MYL10: variants seen among roughly 807,000 people sequenced by gnomAD.
MYL10 encodes the protein myosin light chain 10, also known as myosin regulatory light chain 10.
MYL10 carries 18 observed loss-of-function variants against 21.9 expected under a neutral mutation model. That is an observed-to-expected ratio of 0.82 (90% CI 0.57 to 1.22). The LOEUF is 1.22. Ranked by LOEUF, MYL10 falls within the 50% of genes most tolerant of loss-of-function variation. The pLI, the probability that MYL10 is intolerant of heterozygous loss-of-function variation, is 0.00. For synonymous variants in MYL10, 88 were observed against 82.8 expected (o/e 1.06, Z -0.34); for missense variants, 225 against 230.4 (o/e 0.98, Z 0.15).
intron 5 of MYL10, among the ~76,000 whole-genome samples, chr7:101,620,649 G>A (rs1796667098): frequency 6.6e-6 from 1 of 152,144 alleles, no homozygotes; most frequent in South Asian, 2.1e-4. Context: ...GAGTCAATGG[G>A]AAGCCAGGGT....
rs774022346 is a variant in MYL10, at chr7:101,622,196, G to A, written c.354C>T (p.Arg118=). The A allele has an allele frequency of 6.2e-7, 1 of 1,612,260 alleles. No individual in the cohort carries two copies. Among genetic ancestry groups the A allele is most frequent in the Non-Finnish European group, 8.5e-7 (1 of 1,178,756 alleles). ...DLRDTFAALG[R]INVKNEELEA... ...CCAGTTCCTCGTTCTTGACATTGAT[G>A]CGGCCTGTGGGAGGTGAGAGGTGGG... The change falls in exon 5 of 8, where the codon CGC becomes CGT. Residue 118 remains arginine, a synonymous_variant. Transcript: ENST00000223167.
intron 1 of MYL10, among the ~76,000 whole-genome samples, chr7:101,625,189 C>T (rs1796729676): frequency 6.6e-6 from 1 of 152,180 alleles, no homozygotes; most frequent in Non-Finnish European, 1.5e-5. Context: ...GTTGAGTAGT[C>T]AGATGGTTTC....
At chr7:101,615,601 C>CT (rs928271952) in intron 6 of MYL10, among the ~76,000 whole-genome samples, 1 of 143,456 alleles carries the variant, frequency 7.0e-6, no homozygotes. Context: ...CTGTTCCCCC[C>CT]CTAGCCTGGG....
chr7:101,618,245 C>T (rs115920356), intron 5 of MYL10, among the ~76,000 whole-genome samples: 6 of 152,346 alleles, frequency 3.9e-5, no homozygotes, highest in Non-Finnish European at 5.9e-5. Context: ...CAGGGTGCAG[C>T]GAGGGCAGGG....
At chr7:101,614,566 A>G (rs1048302527) in intron 6 of MYL10, among the ~76,000 whole-genome samples, 1 of 152,138 alleles carries the variant, frequency 6.6e-6, no homozygotes, top group African/African-American at 2.4e-5. Context: ...TGAGAGAGAA[A>G]GTGGTTGACA....
intron 1 of MYL10, 40 bp from the exon 2 acceptor site, chr7:101,624,304 T>A: frequency 6.6e-7 from 1 of 1,523,786 alleles, no homozygotes; most frequent in Non-Finnish European, 9.0e-7. Flanking sequence ...GGCCCCTGCC[T>A]CGAGGGTCAG....
rs761415917 is a variant in MYL10 at position 101,616,310 on chromosome 7, A to T, written c.455-12T>A. 4 of 1,610,940 alleles carry T rather than the reference A, an allele frequency of 2.5e-6. No individual in the cohort carries two copies. In the South Asian group the frequency reaches 4.4e-5, roughly 18 times the overall value. ...CTCTGGGTCCGTGCCTATAAGCAGC[A>T]CATACAGGGCAGGGAGAGAGGCAGG... is the stretch of plus-strand genomic sequence containing the variant. On this transcript the variant is annotated splice_polypyrimidine_tract_variant and intron_variant, in intron 5 of 7. Transcript: ENST00000223167.
At chr7:101,613,843 A>C (rs1584535585) in intron 6 of MYL10, 133 bp from the exon 7 acceptor site, 1 of 829,812 alleles carries the variant, frequency 1.2e-6, no homozygotes, top group Non-Finnish European at 2.0e-6. Context: ...CCTGGGGCTG[A>C]CCCTGCCAGC....
intron 5 of MYL10, among the ~76,000 whole-genome samples, chr7:101,620,857 C>T (rs1026097130): frequency 6.7e-5 from 10 of 150,276 alleles, no homozygotes; most frequent in South Asian, 2.1e-4. Flanking sequence ...GGCACCATCT[C>T]GGCTCACGGC....
chr7:101,627,414 T>C, intron 1 of MYL10: 1 of 152,794 alleles, frequency 6.5e-6, no homozygotes, highest in Non-Finnish European at 1.5e-5. Context: ...AGGCCTGAGC[T>C]CCCCAGGGAG....
In MYL10 at chr7:101,624,215, A is replaced by G. The variant is rs1405757928; in HGVS notation, c.128T>C (p.Val43Ala). ...KRAEGTASSN[V>A]FSMFDQSQIQ... ...CTGGGACTGATCAAACATGGAGAAG[A>G]CGTTGGAGCTGGCGGTGCCTTCTGC... is the stretch of plus-strand genomic sequence containing the variant. The change falls in exon 2 of 8, where the codon GTC (valine) becomes GCC (alanine). Residue 43 changes from valine to alanine, a missense_variant. Coordinates refer to ENST00000223167, the MANE Select transcript of MYL10 (RefSeq NM_138403.5). 3 of 1,613,700 alleles carry G rather than the reference A, an allele frequency of 1.9e-6. No individual in the cohort carries two copies. Among genetic ancestry groups the G allele is most frequent in the Admixed American group, 3.3e-5 (2 of 59,968 alleles).
At chr7:101,619,731 T>A (rs570083488) in intron 5 of MYL10, among the ~76,000 whole-genome samples, 9 of 151,238 alleles carry the variant, frequency 6.0e-5, no homozygotes, top group African/African-American at 1.9e-4. Flanking sequence ...CCACTAAAAA[T>A]ACAAAAAAAT....
chr7:101,619,672 G>A (rs1423346568), intron 5 of MYL10, among the ~76,000 whole-genome samples: 1 of 151,896 alleles, frequency 6.6e-6, no homozygotes, highest in African/African-American at 2.4e-5. Flanking sequence ...GGCGGATCAC[G>A]AGGTCAGGAG....
intron 6 of MYL10, 36 bp from the exon 7 acceptor site, chr7:101,613,746 C>A: frequency 6.2e-7 from 1 of 1,607,804 alleles, no homozygotes; most frequent in Non-Finnish European, 8.5e-7. Context: ...GTTCAGGGAA[C>A]GGGATACCCA....
chr7:101,618,533 G>T (rs1489533951), intron 5 of MYL10, among the ~76,000 whole-genome samples: 1 of 152,212 alleles, frequency 6.6e-6, no homozygotes, highest in Non-Finnish European at 1.5e-5. Flanking sequence ...TGTTACCGTG[G>T]CTGGCAGTCC....
chr7:101,616,029 C>G (rs1292360045), intron 6 of MYL10, among the ~76,000 whole-genome samples, 191 bp downstream of exon 6: 1 of 152,034 alleles, frequency 6.6e-6, no homozygotes, highest in African/African-American at 2.4e-5. Flanking sequence ...ATTTCTACTT[C>G]CACGCACACA....
At chr7:101,615,227 C>T (rs1796595185) in intron 6 of MYL10, among the ~76,000 whole-genome samples, 1 of 152,170 alleles carries the variant, frequency 6.6e-6, no homozygotes, top group Non-Finnish European at 1.5e-5. Flanking sequence ...CGATCTGGCT[C>T]AGTCCTCTCC....
At chr7:101,620,299 T>C (rs1796662471) in intron 5 of MYL10, among the ~76,000 whole-genome samples, 1 of 152,096 alleles carries the variant, frequency 6.6e-6, no homozygotes, top group Admixed American at 6.6e-5. Flanking sequence ...TACTCCAGCC[T>C]GGGCAACAGA....
chr7:101,624,320 AC>A, intron 1 of MYL10, 56 bp from the exon 2 acceptor site: 1 of 1,354,296 alleles, frequency 7.4e-7, no homozygotes, highest in Non-Finnish European at 1.0e-6. Context: ...GTCAGCCCCC[AC>A]CCCCTGTCTC....
Sources: allele counts gnomAD v4.1 joint callset (sites outside exome capture counted in the v4.1 genomes callset), GRCh38; gene constraint gnomAD v4.1.1; transcripts MANE v1.5; gene names NCBI Gene and HGNC (gene_info 2026-07-23, HGNC 2026-07-21).